Variants in PTPRG observed in about 807,000 individuals in gnomAD.
PTPRG encodes the protein receptor-type tyrosine-protein phosphatase gamma.
A neutral mutation model predicts 165.3 loss-of-function variants in PTPRG; 102 were observed. The ratio of observed to expected loss-of-function variants is 0.62; its 90% CI spans 0.53 to 0.73. The LOEUF (loss-of-function observed/expected upper bound fraction) is 0.73, where lower values mean the gene tolerates loss of function less well. Ranked by LOEUF, PTPRG falls within the 30% of genes least tolerant of loss-of-function variation. PTPRG has a pLI of 0.00. For synonymous variants in PTPRG, 675 were observed against 669.5 expected (o/e 1.01, Z -0.13); for missense variants, 1,866 against 1,861.4 (o/e 1.00, Z -0.05).
chr3:61,692,658 G>T (rs931750234), intron 1 of PTPRG, among the ~76,000 whole-genome samples: 1 of 152,168 alleles, frequency 6.6e-6, no homozygotes, highest in Non-Finnish European at 1.5e-5. Flanking sequence ...GCAGGCAAGA[G>T]TGGGGGTCAC....
chr3:61,930,407 C>T (rs1208780831), intron 2 of PTPRG, among the ~76,000 whole-genome samples: 1 of 152,168 alleles, frequency 6.6e-6, no homozygotes, highest in South Asian at 2.1e-4. Flanking sequence ...GTCAGAGTTC[C>T]GTCTCCCCCT....
At chr3:61,953,481 A>G (rs2039946335) in intron 2 of PTPRG, among the ~76,000 whole-genome samples, 1 of 152,202 alleles carries the variant, frequency 6.6e-6, no homozygotes, top group Non-Finnish European at 1.5e-5. Context: ...GCACTTCTGG[A>G]TGCCGGGCAG....
At chr3:61,856,900 C>T (rs1021910045) in intron 2 of PTPRG, among the ~76,000 whole-genome samples, 4 of 152,198 alleles carry the variant, frequency 2.6e-5, no homozygotes, top group African/African-American at 9.6e-5. Flanking sequence ...CATTTAAAGT[C>T]ACATAAGCAG....
At chr3:61,746,045 C>A (rs946312015) in intron 1 of PTPRG, among the ~76,000 whole-genome samples, 15 of 100,276 alleles carry the variant, frequency 1.5e-4, no homozygotes, top group African/African-American at 5.6e-4. Context: ...CTTTCTTTTT[C>A]TTTTCTTTTT....
At chr3:61,878,285 G>A (rs1362887985) in intron 2 of PTPRG, among the ~76,000 whole-genome samples, 1 of 152,166 alleles carries the variant, frequency 6.6e-6, no homozygotes. Context: ...ACACAATAGC[G>A]ATAGTAAATA....
At chr3:61,733,064 C>CA (rs1235932114) in intron 1 of PTPRG, among the ~76,000 whole-genome samples, 3 of 152,082 alleles carry the variant, frequency 2.0e-5, no homozygotes, top group African/African-American at 7.2e-5. Flanking sequence ...AAAGGACAGT[C>CA]AAAAACATAC....
chr3:62,092,439 G>GAAAAAAAAAAA (rs55955359), intron 5 of PTPRG, among the ~76,000 whole-genome samples: 18 of 89,430 alleles, frequency 2.0e-4, no homozygotes, highest in African/African-American at 7.0e-4. Flanking sequence ...GAGTCCATCT[G>GAAAAAAAAAAA]AAAAAAAAAA....
At chr3:62,094,935 T>C (rs561755702) in intron 5 of PTPRG, among the ~76,000 whole-genome samples, 1 of 152,346 alleles carries the variant, frequency 6.6e-6, no homozygotes, top group East Asian at 1.9e-4. Context: ...GGAGCAGTTG[T>C]ATCCACAGGC....
At chr3:61,759,083 C>T (rs1256661931) in intron 2 of PTPRG, among the ~76,000 whole-genome samples, 2 of 152,114 alleles carry the variant, frequency 1.3e-5, no homozygotes, top group African/African-American at 4.8e-5. Context: ...CTTGAAATGA[C>T]CATCACTTCT....
chr3:61,691,820 T>C (rs896641505), intron 1 of PTPRG, among the ~76,000 whole-genome samples: 8 of 152,154 alleles, frequency 5.3e-5, no homozygotes, highest in African/African-American at 1.7e-4. Context: ...AAAAAGCATA[T>C]GGGGCTTTCC....
At chr3:61,771,087 G>T (rs137975247) in intron 2 of PTPRG, 3 of 152,082 alleles carry the variant, frequency 2.0e-5, no homozygotes, top group Non-Finnish European at 2.9e-5. Flanking sequence ...GGAGTGGTCC[G>T]CAAGGTGAGG....
intron 4 of PTPRG, among the ~76,000 whole-genome samples, chr3:62,006,935 A>G (rs2041311220): frequency 6.6e-6 from 1 of 152,238 alleles, no homozygotes; most frequent in African/African-American, 2.4e-5. Context: ...TTATCTAAGT[A>G]GCATCATTTA....
chr3:61,928,591 G>A (rs2039283618), intron 2 of PTPRG, among the ~76,000 whole-genome samples: 1 of 152,100 alleles, frequency 6.6e-6, no homozygotes, highest in Non-Finnish European at 1.5e-5. Flanking sequence ...TAAATTATAG[G>A]ATGCTATTTG....
intron 1 of PTPRG, among the ~76,000 whole-genome samples, chr3:61,581,711 G>A (rs1379218751): frequency 6.6e-6 from 1 of 151,026 alleles, no homozygotes; most frequent in Non-Finnish European, 1.5e-5. Context: ...CCAGGTTCAA[G>A]TGATTCTCAT....
chr3:62,116,282 T>A (rs561503081), intron 5 of PTPRG, among the ~76,000 whole-genome samples: 94 of 152,276 alleles, frequency 6.2e-4, no homozygotes, highest in Non-Finnish European at 1.2e-3. Context: ...TGGAAAAAGT[T>A]AAAATTCAGC....
At chr3:62,022,015 A>C (rs1559751525) in intron 4 of PTPRG, among the ~76,000 whole-genome samples, 1 of 152,090 alleles carries the variant, frequency 6.6e-6, no homozygotes, top group Admixed American at 6.5e-5. Context: ...TCCAATGTAG[A>C]GAATACATAT....
chr3:61,935,989 G>A (rs555839510), intron 2 of PTPRG, among the ~76,000 whole-genome samples: 31 of 152,234 alleles, frequency 2.0e-4, no homozygotes, highest in African/African-American at 7.5e-4. Context: ...TTGCCCTCAT[G>A]AATGGTATTA....
intron 6 of PTPRG, among the ~76,000 whole-genome samples, chr3:62,153,225 C>A (rs547843883): frequency 6.6e-6 from 1 of 152,182 alleles, no homozygotes; most frequent in African/African-American, 2.4e-5. Context: ...CCAGCCTGTA[C>A]CTCATCTGGG....
intron 5 of PTPRG, among the ~76,000 whole-genome samples, chr3:62,105,607 G>A (rs1702447741): frequency 6.6e-6 from 1 of 152,170 alleles, no homozygotes; most frequent in Non-Finnish European, 1.5e-5. Context: ...AGACTTTCTG[G>A]AGGAGAGGCT....
Sources: gnomAD v4.1 joint callset for allele counts (sites outside exome capture counted in the v4.1 genomes callset) on GRCh38, gnomAD v4.1.1 for gene constraint, MANE v1.5 for transcripts, NCBI Gene and HGNC (gene_info 2026-07-23, HGNC 2026-07-21) for gene names.